GALK2: variants seen among roughly 807,000 people sequenced by gnomAD.
The protein encoded by GALK2 is galactokinase 2.
In GALK2, 36 loss-of-function variants were observed where a neutral mutation model predicts 52.4. That is an observed-to-expected ratio of 0.69 (90% CI 0.53 to 0.91). The LOEUF is 0.91. Ranked by LOEUF, GALK2 falls within the 40% of genes least tolerant of loss-of-function variation. GALK2 has a pLI of 0.00. For synonymous variants in GALK2, 176 were observed against 199.1 expected (o/e 0.88, Z 0.98); for missense variants, 579 against 559.1 (o/e 1.04, Z -0.36).
At chr15:49,267,829 A>G (rs1024544388) in intron 5 of GALK2, among the ~76,000 whole-genome samples, 2 of 152,184 alleles carry the variant, frequency 1.3e-5, no homozygotes, top group African/African-American at 4.8e-5. Flanking sequence ...ATTGACTATA[A>G]TGAATTTTCT....
intron 3 of GALK2, chr15:49,365,290 G>T (rs939647522): frequency 1.3e-6 from 2 of 1,524,190 alleles, no homozygotes; most frequent in Admixed American, 3.4e-5. Context: ...CTAAATAGAG[G>T]AGAGCAGGTT....
chr15:49,274,329 A>G (rs889563014), intron 5 of GALK2, among the ~76,000 whole-genome samples: 6 of 152,238 alleles, frequency 3.9e-5, no homozygotes, highest in Non-Finnish European at 7.3e-5. Context: ...TACTATAGGC[A>G]GTTGTAACAC....
chr15:49,328,166 G>A lies in GALK2; in HGVS notation c.*7G>A, dbSNP rs1567071731. 1.2e-6 allele frequency: 2 copies of A among 1,610,330 alleles called. No individual in the cohort carries two copies. Among genetic ancestry groups the A allele is most frequent in the East Asian group, 2.2e-5 (1 of 44,828 alleles). On this transcript the variant is annotated 3_prime_UTR_variant, in exon 10 of 10. Coordinates refer to ENST00000560031, the MANE Select transcript of GALK2 (RefSeq NM_002044.4). ...GGTTTTGCTTGAGGCCTGAAAAAATGTAAAAAGTCTGAGAGAAACTACTTA... is the reference window on the plus strand; with the variant it reads ...GGTTTTGCTTGAGGCCTGAAAAAATATAAAAAGTCTGAGAGAAACTACTTA...
At chr15:49,301,192 A>T (rs1156614248) in intron 8 of GALK2, among the ~76,000 whole-genome samples, 2 of 152,070 alleles carry the variant, frequency 1.3e-5, no homozygotes, top group African/African-American at 2.4e-5. Context: ...AGCTTCTGTT[A>T]AACTAGCCAG....
rs146101701 is a variant in GALK2, at chr15:49,210,658, C to T, written c.143-6532C>T. The stretch of plus-strand genomic sequence containing the variant: ...GTTTCACCACGAAGGCCAGGCTGGT[C>T]GCGAACTCCTGACCTCAGGTGATCC... On this transcript the variant is annotated intron_variant, in intron 2 of 9. Transcript: ENST00000560031. Among the ~76,000 whole-genome samples the T allele has an allele frequency of 5.9e-3, 898 of 151,924 alleles. 16 individuals carry two copies. Among genetic ancestry groups the T allele is most frequent in the African/African-American group, 0.021 (863 of 41,412 alleles).
At chr15:49,172,170 A>G (rs1453254856) in intron 1 of GALK2, among the ~76,000 whole-genome samples, 5 of 152,198 alleles carry the variant, frequency 3.3e-5, no homozygotes, top group Admixed American at 6.5e-5. Context: ...ATTTCTATCT[A>G]TATTTACCCT....
chr15:49,339,232 G>A (rs763917636), intron 3 of GALK2, among the ~76,000 whole-genome samples: 9 of 152,196 alleles, frequency 5.9e-5, no homozygotes, highest in African/African-American at 9.7e-5. Context: ...GGAATTTTCA[G>A]TCTTTTTGCG....
intron 1 of GALK2, among the ~76,000 whole-genome samples, chr15:49,174,664 A>G (rs1157228155): frequency 6.6e-6 from 1 of 152,040 alleles, no homozygotes; most frequent in Non-Finnish European, 1.5e-5. Flanking sequence ...TATTTTTAGA[A>G]ACTCTTTTTA....
chr15:49,217,119 A>T, intron 2 of GALK2, 71 bp from the exon 3 acceptor site: 1 of 1,394,682 alleles, frequency 7.2e-7, no homozygotes. Flanking sequence ...TTTTTCCTGT[A>T]TGTAAACTTT....
intron 5 of GALK2, among the ~76,000 whole-genome samples, chr15:49,246,488 C>T (rs2091357139): frequency 1.3e-5 from 2 of 152,124 alleles, no homozygotes; most frequent in South Asian, 2.1e-4. Flanking sequence ...TAGGGTTGAG[C>T]TGCATCCCCC....
chr15:49,337,241 C>A (rs1333426935), intron 3 of GALK2, among the ~76,000 whole-genome samples: 2 of 152,116 alleles, frequency 1.3e-5, no homozygotes, highest in Non-Finnish European at 2.9e-5. Context: ...AACGGTAGTT[C>A]TGTTTTAAGT....
intron 8 of GALK2, among the ~76,000 whole-genome samples, chr15:49,315,144 T>C (rs1242796902): frequency 2.0e-5 from 3 of 152,236 alleles, no homozygotes; most frequent in South Asian, 2.1e-4. Context: ...AAGATTCACA[T>C]TGGAGAAAAT....
chr15:49,284,535 G>T (rs1365021448), intron 7 of GALK2, among the ~76,000 whole-genome samples: 1 of 152,172 alleles, frequency 6.6e-6, no homozygotes, highest in Non-Finnish European at 1.5e-5. Flanking sequence ...TGGATTCTGG[G>T]TCAGGAGCTC....
At chr15:49,338,783 C>T (rs773816128) in intron 3 of GALK2, among the ~76,000 whole-genome samples, 16 of 152,272 alleles carry the variant, frequency 1.1e-4, no homozygotes, top group Non-Finnish European at 2.2e-4. Context: ...TAGATTTGGT[C>T]TTTTCACATA....
chr15:49,321,103 C>G (rs1168291342), intron 9 of GALK2, among the ~76,000 whole-genome samples: 2 of 152,046 alleles, frequency 1.3e-5, no homozygotes, highest in African/African-American at 4.8e-5. Flanking sequence ...GTGATAAGTG[C>G]TATGGAAAAA....
At chr15:49,345,099 CTCT>C (rs1405894712) in intron 3 of GALK2, among the ~76,000 whole-genome samples, 2 of 152,136 alleles carry the variant, frequency 1.3e-5, no homozygotes, top group Admixed American at 1.3e-4. Flanking sequence ...TTATTGTGCT[CTCT>C]TGAGTATCAT....
chr15:49,232,802 A>G, intron 3 of GALK2, among the ~76,000 whole-genome samples: 1 of 152,190 alleles, frequency 6.6e-6, no homozygotes, highest in Admixed American at 6.5e-5. Flanking sequence ...AACAAAAATG[A>G]CCTTTACACT....
At position 49,331,508 on chromosome 15, in the gene GALK2, A is replaced by G; in HGVS notation, c.*3349A>G. 1 of 384,770 alleles carries G rather than the reference A, an allele frequency of 2.6e-6. No homozygotes were observed. The highest frequency in any genetic ancestry group is 4.7e-6 in the Non-Finnish European group (1 of 213,970). 23.8% of individuals were successfully genotyped at this position (384,770 alleles called of 1,614,324 possible). A position where few individuals can be genotyped will look rare whatever the true frequency, so the allele number is the denominator to read the frequency against. On this transcript the variant is annotated 3_prime_UTR_variant, in exon 10 of 10. Coordinates refer to ENST00000560031, the MANE Select transcript of GALK2 (RefSeq NM_002044.4). ...ACAATTTTAAACATCAGTGATTATT[A>G]GTTTGTAATTCTAACTGCATTTGGA...
chr15:49,336,900 G>T (rs1034579302), intron 3 of GALK2, among the ~76,000 whole-genome samples: 1 of 152,066 alleles, frequency 6.6e-6, no homozygotes, highest in Non-Finnish European at 1.5e-5. Context: ...TTGTTGACAC[G>T]TTTATGTCCA....
Sources: gnomAD v4.1 joint callset for allele counts (sites outside exome capture counted in the v4.1 genomes callset) on GRCh38, gnomAD v4.1.1 for gene constraint, MANE v1.5 for transcripts, NCBI Gene and HGNC (gene_info 2026-07-23, HGNC 2026-07-21) for gene names.